The following CFTR variants were observed in gnomAD, a reference collection of about 807,000 sequenced individuals.
CFTR encodes the protein CF transmembrane conductance regulator, also known as cystic fibrosis transmembrane conductance regulator.
Under a neutral mutation model 171.6 loss-of-function variants are expected in CFTR, and 181 were observed. The observed-to-expected ratio is 1.05, with a 90% confidence interval of 0.93 to 1.19. The LOEUF is 1.19. CFTR is among the 50% of genes most tolerant of loss of function. The probability of loss-of-function intolerance (pLI) is 0.00; values close to 1 mark genes in which losing one functional copy is unlikely to be tolerated. For synonymous variants in CFTR, 583 were observed against 608.0 expected (o/e 0.96, Z 0.60); for missense variants, 1,968 against 1,734.7 (o/e 1.13, Z -2.39).
intron 11 of CFTR, among the ~76,000 whole-genome samples, chr7:117,576,369 G>T (rs913355735): frequency 3.3e-5 from 5 of 152,034 alleles, no homozygotes; most frequent in Non-Finnish European, 1.5e-5. Flanking sequence ...ATTTATGTAG[G>T]ATTTACATTG....
chr7:117,556,712 G>A (rs540885178), intron 10 of CFTR, among the ~76,000 whole-genome samples: 1 of 149,134 alleles, frequency 6.7e-6, no homozygotes. Flanking sequence ...GTAGAGACGG[G>A]GTTTCACCGT....
chr7:117,491,060 G>A (rs1328871759), intron 1 of CFTR, among the ~76,000 whole-genome samples: 2 of 152,082 alleles, frequency 1.3e-5, no homozygotes, highest in Admixed American at 1.3e-4. Flanking sequence ...CACAAGCCTA[G>A]ATGTCGTATA....
intron 17 of CFTR, among the ~76,000 whole-genome samples, chr7:117,604,179 T>A (rs1321382529): frequency 6.6e-6 from 1 of 152,148 alleles, no homozygotes; most frequent in African/African-American, 2.4e-5. Context: ...TTTCTATTGA[T>A]TAAGTCTTTT....
At position 117,531,010 on chromosome 7, in the gene CFTR, C is replaced by T; in HGVS notation, c.385C>T (p.Leu129Phe). 6.2e-7 allele frequency: 1 copy of T among 1,613,744 alleles called. No individual in the cohort carries two copies. The highest frequency in any genetic ancestry group is 2.2e-5 in the East Asian group (1 of 44,870). Residue 129 changes from leucine (L) to phenylalanine (F), a missense_variant, in exon 4 of 27, where the codon CTT becomes TTT. Leu to Phe is a conservative substitution (Grantham distance 22). Transcript: ENST00000003084. ...IAIYLGIGLC[L>F]LFIVRTLLLH... ...GATTTATCTAGGCATAGGCTTATGC[C>T]TTCTCTTTATTGTGAGGACACTGCT... is the stretch of plus-strand genomic sequence containing the variant.
chr7:117,537,855 G>A (rs1798983054), intron 7 of CFTR, among the ~76,000 whole-genome samples: 2 of 152,066 alleles, frequency 1.3e-5, no homozygotes, highest in Admixed American at 1.3e-4. Context: ...CATCACACTT[G>A]CTGAGTGCTC....
At chr7:117,652,478 A>C (rs1024836648) in intron 23 of CFTR, among the ~76,000 whole-genome samples, 3 of 152,176 alleles carry the variant, frequency 2.0e-5, no homozygotes, top group Admixed American at 6.5e-5. Context: ...TCATAAACTT[A>C]TTGGGTTTTT....
intron 12 of CFTR, among the ~76,000 whole-genome samples, chr7:117,588,791 A>C (rs1333579010): frequency 6.6e-6 from 1 of 152,136 alleles, no homozygotes; most frequent in African/African-American, 2.4e-5. Context: ...AACTTGCCAA[A>C]AGCCATACAG....
intron 22 of CFTR, among the ~76,000 whole-genome samples, chr7:117,628,453 C>T (rs566841603): frequency 4.6e-5 from 7 of 152,200 alleles, no homozygotes; most frequent in African/African-American, 1.7e-4. Context: ...CTATTCTGGA[C>T]TGCTCTATAA....
At position 117,542,897 on chromosome 7, in the gene CFTR, C is replaced by T. The variant is rs80324876; in HGVS notation, c.1209+789C>T. Among the ~76,000 whole-genome samples the T allele has an allele frequency of 6.2e-4, 95 of 152,308 alleles. 1 individual carries two copies. The East Asian group carries it at 0.014, about 23-fold the overall frequency. ...GTTGTTCCTCAATAAACATTAGCTTCTCTGATTGCAAGTTCCAGTCTAAAG... is the reference window on the plus strand; with the variant it reads ...GTTGTTCCTCAATAAACATTAGCTTTTCTGATTGCAAGTTCCAGTCTAAAG... On this transcript the variant is annotated intron_variant, in intron 9 of 26. Coordinates refer to ENST00000003084, the MANE Select transcript of CFTR (RefSeq NM_000492.4).
chr7:117,626,868 A>G (rs1792658742), intron 21 of CFTR, among the ~76,000 whole-genome samples: 10 of 152,082 alleles, frequency 6.6e-5, no homozygotes, highest in Admixed American at 5.2e-4. Context: ...TAAATGTTAC[A>G]TGAATAGATT....
At chr7:117,622,438 A>G (rs979480492) in intron 21 of CFTR, among the ~76,000 whole-genome samples, 7 of 152,302 alleles carry the variant, frequency 4.6e-5, no homozygotes, top group African/African-American at 1.4e-4. Flanking sequence ...TTTATGATTT[A>G]AAAGCCCTAA....
At chr7:117,616,508 C>T (rs35475211) in intron 21 of CFTR, among the ~76,000 whole-genome samples, 10,799 of 152,054 alleles carry the variant, frequency 0.071, 606 homozygotes, top group African/African-American at 0.15. Context: ...TTCCTTTGTC[C>T]TTGCTGTATT....
At chr7:117,553,936 T>C (rs1799310656) in intron 10 of CFTR, among the ~76,000 whole-genome samples, 1 of 152,176 alleles carries the variant, frequency 6.6e-6, no homozygotes, top group South Asian at 2.1e-4. Flanking sequence ...GGACTGACTA[T>C]ACCTGTCTGG....
chr7:117,480,363 A>T (rs1399446996), intron 1 of CFTR, among the ~76,000 whole-genome samples: 1 of 152,244 alleles, frequency 6.6e-6, no homozygotes, highest in African/African-American at 2.4e-5. Context: ...AGAGAGCCAC[A>T]TCTACTTGCA....
chr7:117,599,253 G>T lies in CFTR; in HGVS notation c.2620-3573G>T, dbSNP rs146162465. 4.5e-3 allele frequency among the ~76,000 whole-genome samples: 687 copies of T among 152,232 alleles called. 10 individuals carry two copies. Among genetic ancestry groups the T allele is most frequent in the African/African-American group, 0.014 (571 of 41,560 alleles). On this transcript the variant is annotated intron_variant, in intron 15 of 26. Coordinates refer to ENST00000003084, the MANE Select transcript of CFTR (RefSeq NM_000492.4). ...AATGATTTGAACCTCTGCCTTGAAAGATCACATTACTTGATTGTCTTCAAC... is the reference window on the plus strand; with the variant it reads ...AATGATTTGAACCTCTGCCTTGAAATATCACATTACTTGATTGTCTTCAAC...
At chr7:117,521,368 T>C (rs1171647857) in intron 3 of CFTR, among the ~76,000 whole-genome samples, 1 of 152,076 alleles carries the variant, frequency 6.6e-6, no homozygotes, top group Non-Finnish European at 1.5e-5. Flanking sequence ...TTCTGTTTTT[T>C]CCTGACTCTA....
chr7:117,580,126 A>G lies in CFTR; in HGVS notation c.1585-7613A>G, dbSNP rs946175956. On this transcript the variant is annotated intron_variant, in intron 11 of 26. Coordinates refer to ENST00000003084, the MANE Select transcript of CFTR (RefSeq NM_000492.4). ...TCATGAAATGTTAACTGTGCACATGATAGATGGTCTATGGATAGTGCAAAA... is the reference window on the plus strand; with the variant it reads ...TCATGAAATGTTAACTGTGCACATGGTAGATGGTCTATGGATAGTGCAAAA... Among the ~76,000 whole-genome samples, 7 of 152,170 alleles carry G rather than the reference A, an allele frequency of 4.6e-5. 1 individual carries two copies. Among genetic ancestry groups the G allele is most frequent in the Middle Eastern group, 6.8e-3 (2 of 292 alleles).
At chr7:117,564,377 T>C (rs2115954111) in intron 11 of CFTR, 1 of 152,178 alleles carries the variant, frequency 6.6e-6, no homozygotes, top group East Asian at 1.9e-4. Flanking sequence ...GTGTTTTTGG[T>C]ATTGTTGTTA....
At chr7:117,566,259 AC>A (rs1232523250) in intron 11 of CFTR, among the ~76,000 whole-genome samples, 17 of 150,906 alleles carry the variant, frequency 1.1e-4, no homozygotes, top group African/African-American at 3.7e-4. Flanking sequence ...ACACACACAC[AC>A]ACACACACAC....
Sources: gnomAD v4.1 joint callset for allele counts (sites outside exome capture counted in the v4.1 genomes callset) on GRCh38, gnomAD v4.1.1 for gene constraint, MANE v1.5 for transcripts, NCBI Gene and HGNC (gene_info 2026-07-23, HGNC 2026-07-21) for gene names.